MYO16: variants seen among roughly 807,000 people sequenced by gnomAD.
MYO16 encodes unconventional myosin-XVI.
MYO16 carries 94 observed loss-of-function variants against 205.3 expected under a neutral mutation model. That is an observed-to-expected ratio of 0.46 (90% CI 0.39 to 0.54). MYO16 has a LOEUF of 0.54. MYO16 is among the 20% of genes least tolerant of loss of function. MYO16 has a pLI of 0.00. For synonymous variants in MYO16, 988 were observed against 954.0 expected, an observed-to-expected ratio of 1.04 and a Z score of -0.66; for missense variants, 2,315 against 2,387.5, an observed-to-expected ratio of 0.97 and a Z score of 0.63.
chr13:108,627,865 A>C (rs1328808082), upstream of MYO16, among the ~76,000 whole-genome samples: 5 of 152,314 alleles, frequency 3.3e-5, no homozygotes, highest in Non-Finnish European at 7.3e-5. Flanking sequence ...GCAGAAAATT[A>C]AGACATTCAG....
chr13:109,078,681 CAAGT>C (rs1888191519), intron 27 of MYO16, among the ~76,000 whole-genome samples: 1 of 152,078 alleles, frequency 6.6e-6, no homozygotes, highest in Non-Finnish European at 1.5e-5. Context: ...ATTTGGGATA[CAAGT>C]AAGTCCCTTG....
chr13:108,749,134 T>C (rs1334230482), intron 4 of MYO16, among the ~76,000 whole-genome samples: 1 of 152,230 alleles, frequency 6.6e-6, no homozygotes, highest in Non-Finnish European at 1.5e-5. Context: ...AATTAACATA[T>C]GCATTACCTC....
At chr13:109,090,848 C>T (rs1008022123) in intron 27 of MYO16, among the ~76,000 whole-genome samples, 27 of 152,106 alleles carry the variant, frequency 1.8e-4, no homozygotes, top group Admixed American at 2.0e-4. Flanking sequence ...CAATCCCCGC[C>T]CCTCCCCGTC....
In MYO16 at chr13:108,828,567, A is replaced by G. The variant is rs936682937; in HGVS notation, c.1097+5289A>G. On this transcript the variant is annotated intron_variant, in intron 9 of 34. Transcript: ENST00000457511. ...TGGAATAACAGTGCCTTTGTTACTC[A>G]TGAGCCCTTTGGATCGCATCTGAGT... Among the ~76,000 whole-genome samples the G allele has an allele frequency of 3.9e-5, 6 of 152,302 alleles. No individual in the cohort carries two copies. The East Asian group carries it at 1.2e-3, about 29-fold the overall frequency.
At chr13:108,968,853 C>T (rs115103539) in intron 20 of MYO16, among the ~76,000 whole-genome samples, 10 of 152,274 alleles carry the variant, frequency 6.6e-5, no homozygotes, top group Middle Eastern at 6.8e-3. Context: ...TCCCCACGAA[C>T]GCAGGAAGAC....
intron 2 of MYO16, among the ~76,000 whole-genome samples, chr13:108,696,830 C>T (rs1883110007): frequency 6.6e-6 from 1 of 152,138 alleles, no homozygotes; most frequent in African/African-American, 2.4e-5. Context: ...GTGTGGGCCT[C>T]ATTCTGGACC....
chr13:108,767,717 G>A (rs965960952), intron 4 of MYO16, among the ~76,000 whole-genome samples: 1 of 152,128 alleles, frequency 6.6e-6, no homozygotes, highest in African/African-American at 2.4e-5. Context: ...ACATTTCCTG[G>A]AGCCCTAGGC....
chr13:109,048,395 A>G, intron 24 of MYO16: 4 of 727,920 alleles, frequency 5.5e-6, no homozygotes, highest in Non-Finnish European at 1.0e-5. Flanking sequence ...TTGTATTTAT[A>G]CAGGAGGTGT....
At chr13:108,803,396 T>C (rs79849368) in intron 6 of MYO16, among the ~76,000 whole-genome samples, 6,325 of 152,304 alleles carry the variant, frequency 0.042, 202 homozygotes, top group African/African-American at 0.096. Context: ...TCAGAAATAA[T>C]TGGTAGTCCA....
rs147981054 is a variant in MYO16 at position 109,081,441 on chromosome 13, GT to G, written c.3336-19343del. On this transcript the variant is annotated intron_variant, in intron 27 of 34. Coordinates refer to ENST00000457511, the MANE Select transcript of MYO16 (RefSeq NM_001198950.3). ...ATGTTGAGGATACAAAGATGAGTAG[GT>G]CATGCTTAAACCCACTATCTCAAGG... Among the ~76,000 whole-genome samples the G allele has an allele frequency of 1.8e-3, 267 of 152,240 alleles. 1 individual carries two copies. The highest frequency in any genetic ancestry group is 6.0e-3 in the African/African-American group (251 of 41,550).
chr13:108,500,013 CT>C, the MYO16 span, among the ~76,000 whole-genome samples: 1 of 151,634 alleles, frequency 6.6e-6, no homozygotes, highest in African/African-American at 2.4e-5. Context: ...GCTTTGGCCC[CT>C]CTCTTCCTTT....
rs1566587254 is a variant in MYO16, at chr13:108,752,815, T to TTTA, written c.507+25234_507+25235insATT. Among the ~76,000 whole-genome samples the TTTA allele has an allele frequency of 3.5e-5, 5 of 142,600 alleles. No individual in the cohort carries two copies. The South Asian group carries it at 6.9e-4, about 20-fold the overall frequency. 93.6% of individuals were successfully genotyped at this position (142,600 alleles called of 152,430 possible). A position where few individuals can be genotyped will look rare whatever the true frequency, so the allele number is the denominator to read the frequency against. On this transcript the variant is annotated intron_variant, in intron 4 of 34. Coordinates refer to ENST00000457511, the MANE Select transcript of MYO16 (RefSeq NM_001198950.3). ...TGCCACCGTGCCCAGCTAATTTTTT[T>TTTA]TTTTTTTTTTTTTTTTTTAGTAGAG...
chr13:108,909,964 A>T, intron 15 of MYO16, 39 bp from the exon 16 acceptor site: 2 of 1,583,988 alleles, frequency 1.3e-6, no homozygotes, highest in South Asian at 2.2e-5. Context: ...TGAAATGAAT[A>T]CTGCCATTTA....
At chr13:108,507,343 G>T in the MYO16 span, among the ~76,000 whole-genome samples, 2 of 152,018 alleles carry the variant, frequency 1.3e-5, no homozygotes, top group African/African-American at 4.8e-5. Flanking sequence ...TTCTGTTATA[G>T]AAAGTTTTTA....
At chr13:109,179,214 C>T (rs1359101591) in intron 33 of MYO16, among the ~76,000 whole-genome samples, 2 of 152,174 alleles carry the variant, frequency 1.3e-5, no homozygotes, top group Admixed American at 6.5e-5. Context: ...TCACTGACCC[C>T]GTATGCTTCT....
chr13:108,835,968 G>T (rs1298227194), intron 9 of MYO16, among the ~76,000 whole-genome samples: 2 of 152,186 alleles, frequency 1.3e-5, no homozygotes, highest in Non-Finnish European at 2.9e-5. Context: ...GCCTCCTGCA[G>T]AAATTTGCAT....
chr13:108,862,841 C>T (rs1293526275), intron 11 of MYO16, among the ~76,000 whole-genome samples: 1 of 151,886 alleles, frequency 6.6e-6, no homozygotes, highest in Non-Finnish European at 1.5e-5. Flanking sequence ...ATGTTATAGC[C>T]CTTTTATTGG....
chr13:108,887,156 C>A (rs535336548), intron 13 of MYO16, among the ~76,000 whole-genome samples: 5 of 152,054 alleles, frequency 3.3e-5, no homozygotes, highest in Admixed American at 6.6e-5. Context: ...AAACTCAGTA[C>A]CAGACCAGAA....
At chr13:108,785,527 C>T (rs914831081) in intron 4 of MYO16, 108 bp from the exon 5 acceptor site, 30 of 582,636 alleles carry the variant, frequency 5.1e-5, no homozygotes, top group Middle Eastern at 4.7e-4. Context: ...TGATATCTAC[C>T]GTAGACTATT....
Sources: gnomAD v4.1 joint callset for allele counts (sites outside exome capture counted in the v4.1 genomes callset) on GRCh38, gnomAD v4.1.1 for gene constraint, MANE v1.5 for transcripts, NCBI Gene and HGNC (gene_info 2026-07-23, HGNC 2026-07-21) for gene names.